ARHGAP24: variants seen among roughly 807,000 people sequenced by gnomAD.
The protein encoded by ARHGAP24 is rho GTPase-activating protein 24.
ARHGAP24 carries 50 observed loss-of-function variants against 76.4 expected under a neutral mutation model. The ratio of observed to expected loss-of-function variants is 0.65; its 90% CI spans 0.52 to 0.83. The LOEUF (loss-of-function observed/expected upper bound fraction) is 0.83, where lower values mean the gene tolerates loss of function less well. Among genes scored for constraint, ARHGAP24 ranks in the 40% least tolerant of loss-of-function variants. ARHGAP24 has a pLI of 0.00. For synonymous variants in ARHGAP24, 345 were observed against 323.3 expected, an observed-to-expected ratio of 1.07 and a Z score of -0.72; for missense variants, 930 against 914.2, an observed-to-expected ratio of 1.02 and a Z score of -0.22.
intron 5 of ARHGAP24, among the ~76,000 whole-genome samples, chr4:85,967,544 A>G (rs773604479): frequency 2.0e-5 from 3 of 152,166 alleles, no homozygotes; most frequent in Non-Finnish European, 4.4e-5. Flanking sequence ...AAGTCCAAGT[A>G]CAATATAAGA....
At chr4:85,556,433 C>T (rs756481383) in intron 1 of ARHGAP24, among the ~76,000 whole-genome samples, 4 of 152,104 alleles carry the variant, frequency 2.6e-5, no homozygotes, top group Non-Finnish European at 5.9e-5. Flanking sequence ...AGACTGGGCT[C>T]CTCTCCATAT....
intron 8 of ARHGAP24, among the ~76,000 whole-genome samples, chr4:85,984,149 G>A (rs1477862540): frequency 2.6e-5 from 4 of 152,068 alleles, no homozygotes; most frequent in Non-Finnish European, 1.5e-5. Flanking sequence ...TCAAAAGTAG[G>A]GAATTATGGT....
intron 5 of ARHGAP24, among the ~76,000 whole-genome samples, chr4:85,956,815 C>A: frequency 6.6e-6 from 1 of 152,172 alleles, no homozygotes; most frequent in East Asian, 1.9e-4. Flanking sequence ...TGGTGGATGG[C>A]GAGTGAAAAC....
intron 3 of ARHGAP24, among the ~76,000 whole-genome samples, chr4:85,860,640 T>C (rs954895851): frequency 6.6e-6 from 1 of 152,078 alleles, no homozygotes; most frequent in Non-Finnish European, 1.5e-5. Flanking sequence ...CGTGAAATGA[T>C]GAATGATTAG....
intron 4 of ARHGAP24, among the ~76,000 whole-genome samples, chr4:85,938,872 C>T (rs535057933): frequency 6.6e-6 from 1 of 151,198 alleles, no homozygotes; most frequent in African/African-American, 2.4e-5. Flanking sequence ...TTTATATTTT[C>T]TCAGCACAAA....
chr4:85,492,626 A>G (rs1258683146), intron 1 of ARHGAP24, among the ~76,000 whole-genome samples: 1 of 152,210 alleles, frequency 6.6e-6, no homozygotes, highest in Non-Finnish European at 1.5e-5. Flanking sequence ...TACAAATGAT[A>G]CTTATTGCTA....
At chr4:85,928,315 C>T (rs1048365877) in intron 4 of ARHGAP24, among the ~76,000 whole-genome samples, 6 of 151,994 alleles carry the variant, frequency 3.9e-5, no homozygotes, top group African/African-American at 1.4e-4. Flanking sequence ...CTCCCTCCTC[C>T]TTCCCTCCTT....
chr4:85,683,195 C>T (rs867935483), intron 2 of ARHGAP24, among the ~76,000 whole-genome samples: 11 of 147,312 alleles, frequency 7.5e-5, no homozygotes, highest in African/African-American at 2.7e-4. Context: ...CATGGCAGTT[C>T]TTATAAATAT....
chr4:85,806,041 T>G (rs1366772312), intron 3 of ARHGAP24, among the ~76,000 whole-genome samples: 1 of 152,212 alleles, frequency 6.6e-6, no homozygotes, highest in East Asian at 1.9e-4. Context: ...TTACATTCCT[T>G]CTGGCAGCCT....
intron 8 of ARHGAP24, among the ~76,000 whole-genome samples, chr4:85,987,538 G>A (rs1424141393): frequency 6.6e-6 from 1 of 151,768 alleles, no homozygotes; most frequent in African/African-American, 2.4e-5. Context: ...TAGCAGACAA[G>A]GATATTATTA....
chr4:85,563,640 C>T (rs562965926), intron 1 of ARHGAP24, among the ~76,000 whole-genome samples: 11 of 152,214 alleles, frequency 7.2e-5, no homozygotes, highest in Middle Eastern at 3.4e-3. Context: ...ACATTCAGTC[C>T]GTAACAACAA....
At chr4:85,724,529 A>G (rs1054499428) in intron 3 of ARHGAP24, among the ~76,000 whole-genome samples, 11 of 101,612 alleles carry the variant, frequency 1.1e-4, no homozygotes, top group Admixed American at 1.0e-3. Flanking sequence ...ATATATATAT[A>G]GGAATTTTTA....
chr4:85,995,102 G>C lies in ARHGAP24; in HGVS notation c.1448G>C (p.Arg483Pro). ...GTHSVQNGTV[R>P]MGILNSDTLG... Reference sequence around the variant, plus strand: ...CACAGTGTACAGAATGGAACGGTGCGCATGGGCATTTTGAACAGCGACACA... The same window carrying C: ...CACAGTGTACAGAATGGAACGGTGCCCATGGGCATTTTGAACAGCGACACA... The change falls in exon 9 of 10, where the codon CGC becomes CCC. Residue 483 changes from arginine (R) to proline (P), a missense_variant. Physicochemically the swap from Arg to Pro is moderately radical, Grantham distance 103. Transcript: ENST00000395184. 2 of 1,613,996 alleles carry C rather than the reference G, an allele frequency of 1.2e-6. No individual in the cohort carries two copies.
intron 3 of ARHGAP24, among the ~76,000 whole-genome samples, chr4:85,881,753 A>T (rs1249074882): frequency 6.6e-6 from 1 of 152,218 alleles, no homozygotes; most frequent in Non-Finnish European, 1.5e-5. Context: ...CACAGATAAT[A>T]CACATAGGAA....
chr4:85,479,668 A>G (rs895029543), intron 1 of ARHGAP24, among the ~76,000 whole-genome samples: 1 of 152,156 alleles, frequency 6.6e-6, no homozygotes, highest in African/African-American at 2.4e-5. Flanking sequence ...TCTTTATTGT[A>G]TTGATTTTCC....
At chr4:85,533,296 C>T (rs1578013746) in intron 1 of ARHGAP24, among the ~76,000 whole-genome samples, 1 of 152,058 alleles carries the variant, frequency 6.6e-6, no homozygotes, top group African/African-American at 2.4e-5. Flanking sequence ...TAATTTTGTC[C>T]ATAAAGAAAT....
intron 3 of ARHGAP24, among the ~76,000 whole-genome samples, chr4:85,732,865 G>GTAT (rs929211553): frequency 1.4e-5 from 2 of 146,180 alleles, no homozygotes; most frequent in Non-Finnish European, 3.0e-5. Flanking sequence ...GGCTAATTTT[G>GTAT]TATTTTTTTT....
At chr4:85,868,124 G>T (rs376510169) in intron 3 of ARHGAP24, among the ~76,000 whole-genome samples, 3 of 151,910 alleles carry the variant, frequency 2.0e-5, no homozygotes, top group East Asian at 1.9e-4. Context: ...CATTAGTTCC[G>T]CCTGGAAAGG....
chr4:85,936,108 A>T (rs569054605), intron 4 of ARHGAP24, among the ~76,000 whole-genome samples: 1 of 152,284 alleles, frequency 6.6e-6, no homozygotes, highest in African/African-American at 2.4e-5. Context: ...GAAAATTCTT[A>T]CCATCCTGGT....
Sources: gnomAD v4.1 joint callset for allele counts (sites outside exome capture counted in the v4.1 genomes callset) on GRCh38, gnomAD v4.1.1 for gene constraint, MANE v1.5 for transcripts, NCBI Gene and HGNC (gene_info 2026-07-23, HGNC 2026-07-21) for gene names.